Variants in SLC10A7 observed in about 807,000 individuals in gnomAD.
SLC10A7 encodes the protein solute carrier family 10 member 7.
Under a neutral mutation model 43.2 loss-of-function variants are expected in SLC10A7, and 29 were observed. The ratio of observed to expected loss-of-function variants is 0.67; its 90% CI spans 0.50 to 0.92. SLC10A7 has a LOEUF of 0.92. SLC10A7 is among the 40% of genes least tolerant of loss of function. The probability of loss-of-function intolerance (pLI) is 0.00; values close to 1 mark genes in which losing one functional copy is unlikely to be tolerated. For missense variants in SLC10A7, 295 were observed against 403.2 expected (o/e 0.73, Z 2.30); for synonymous variants, 152 against 144.8 (o/e 1.05, Z -0.35).
intron 10 of SLC10A7, among the ~76,000 whole-genome samples, chr4:146,267,699 A>G (rs987079956): frequency 1.3e-5 from 2 of 152,200 alleles, no homozygotes; most frequent in Non-Finnish European, 1.5e-5. Flanking sequence ...GACACATAAG[A>G]GAACATTTTT....
At chr4:146,328,605 C>G (rs1454977610) in intron 5 of SLC10A7, among the ~76,000 whole-genome samples, 2 of 152,194 alleles carry the variant, frequency 1.3e-5, no homozygotes, top group East Asian at 3.9e-4. Flanking sequence ...TAGGTCCACT[C>G]TGCACTCCAC....
chr4:146,521,534 T>C, intron 1 of SLC10A7, 84 bp downstream of exon 1: 7 of 1,163,042 alleles, frequency 6.0e-6, no homozygotes, highest in East Asian at 2.5e-5. Flanking sequence ...GCGCTTGCAA[T>C]GAGGGTTGCC....
At chr4:146,486,227 G>T (rs963798989) in intron 4 of SLC10A7, among the ~76,000 whole-genome samples, 1 of 152,134 alleles carries the variant, frequency 6.6e-6, no homozygotes, top group Non-Finnish European at 1.5e-5. Context: ...TGAGAGCAAT[G>T]ATTAATTTAT....
chr4:146,338,229 C>G (rs1289335042), intron 5 of SLC10A7, among the ~76,000 whole-genome samples: 1 of 151,922 alleles, frequency 6.6e-6, no homozygotes, highest in Non-Finnish European at 1.5e-5. Context: ...TTTTAAAACC[C>G]TTGTGTTTGT....
intron 5 of SLC10A7, among the ~76,000 whole-genome samples, chr4:146,396,699 CA>C (rs1293244139): frequency 2.7e-5 from 4 of 150,456 alleles, no homozygotes; most frequent in Admixed American, 2.0e-4. Context: ...TATTTGCAAG[CA>C]AAAAAATATG....
At chr4:146,350,257 A>G (rs1734955434) in intron 5 of SLC10A7, among the ~76,000 whole-genome samples, 1 of 151,754 alleles carries the variant, frequency 6.6e-6, no homozygotes, top group African/African-American at 2.4e-5. Flanking sequence ...TTCTGAGTCA[A>G]AGAAAGGGGT....
At chr4:146,381,122 C>T (rs866605885) in intron 5 of SLC10A7, among the ~76,000 whole-genome samples, 17 of 152,076 alleles carry the variant, frequency 1.1e-4, no homozygotes, top group Non-Finnish European at 1.8e-4. Flanking sequence ...AAAACTAGTG[C>T]CAGGGCCTCA....
chr4:146,279,178 A>T (rs1240700648), intron 10 of SLC10A7, among the ~76,000 whole-genome samples: 1 of 152,156 alleles, frequency 6.6e-6, no homozygotes, highest in East Asian at 1.9e-4. Flanking sequence ...ACATACTCTG[A>T]GGTTATGTGC....
At chr4:146,264,174 T>C (rs912648042) in intron 10 of SLC10A7, among the ~76,000 whole-genome samples, 4 of 152,226 alleles carry the variant, frequency 2.6e-5, no homozygotes, top group African/African-American at 4.8e-5. Flanking sequence ...GATAAAACAA[T>C]ATGTACAAGA....
intron 2 of SLC10A7, among the ~76,000 whole-genome samples, chr4:146,516,411 GTGTT>G (rs1344737101): frequency 1.3e-5 from 2 of 149,122 alleles, no homozygotes; most frequent in Non-Finnish European, 3.0e-5. Flanking sequence ...GGGTGTGTGT[GTGTT>G]TGTGTGTGTG....
intron 2 of SLC10A7, among the ~76,000 whole-genome samples, chr4:146,516,415 TTG>T (rs1233210607): frequency 1.1e-4 from 16 of 147,612 alleles, no homozygotes; most frequent in South Asian, 6.5e-4. Flanking sequence ...GTGTGTGTGT[TTG>T]TGTGTGTGTG....
At chr4:146,365,647 T>C (rs1180679793) in intron 5 of SLC10A7, among the ~76,000 whole-genome samples, 1 of 152,254 alleles carries the variant, frequency 6.6e-6, no homozygotes, top group African/African-American at 2.4e-5. Context: ...TTAGGCTTTA[T>C]AAGATAGACA....
At chr4:146,352,535 C>A (rs1403577480) in intron 5 of SLC10A7, among the ~76,000 whole-genome samples, 2 of 151,340 alleles carry the variant, frequency 1.3e-5, no homozygotes, top group African/African-American at 4.9e-5. Context: ...ACCAAGAGGA[C>A]CTCATAGACA....
intron 7 of SLC10A7, among the ~76,000 whole-genome samples, chr4:146,300,078 A>T (rs1326047639): frequency 6.6e-6 from 1 of 152,144 alleles, no homozygotes; most frequent in Non-Finnish European, 1.5e-5. Context: ...ATTGCCAAGG[A>T]GGGATTATAA....
intron 5 of SLC10A7, among the ~76,000 whole-genome samples, chr4:146,393,932 C>G (rs1222655019): frequency 6.6e-6 from 1 of 152,124 alleles, no homozygotes; most frequent in African/African-American, 2.4e-5. Context: ...TAGCTCCTGA[C>G]TTCAATTTCA....
intron 10 of SLC10A7, among the ~76,000 whole-genome samples, chr4:146,273,620 CTGT>C (rs987895034): frequency 1.3e-5 from 2 of 151,988 alleles, no homozygotes; most frequent in East Asian, 1.9e-4. Flanking sequence ...ATTATTGTTG[CTGT>C]TGTTGTTATT....
chr4:146,320,918 A>T (rs1732664321), intron 6 of SLC10A7, among the ~76,000 whole-genome samples: 1 of 152,096 alleles, frequency 6.6e-6, no homozygotes, highest in East Asian at 1.9e-4. Flanking sequence ...TCCCCAATTC[A>T]AGACTGTGGC....
Position 146,347,312 on chromosome 4 carries a change from T to A in SLC10A7, c.436-21316A>T, listed in dbSNP as rs551371305. Among the ~76,000 whole-genome samples, 3 of 152,256 alleles carry A rather than the reference T, an allele frequency of 2.0e-5. No homozygotes were observed. The South Asian group carries it at 6.2e-4, about 32-fold the overall frequency. On this transcript the variant is annotated intron_variant, in intron 5 of 11. Coordinates refer to ENST00000335472, the MANE Select transcript of SLC10A7 (RefSeq NM_001029998.6). ...AGAAGCTTCATGAAAAGATAACCAG[T>A]TATATCTACCAGCCTTCTCATCTTC...
At chr4:146,263,775 C>A (rs944050320) in intron 10 of SLC10A7, among the ~76,000 whole-genome samples, 5 of 152,142 alleles carry the variant, frequency 3.3e-5, no homozygotes, top group African/African-American at 4.8e-5. Context: ...AAACATTAAT[C>A]AAAAAATGCC....
Sources: allele counts gnomAD v4.1 joint callset (sites outside exome capture counted in the v4.1 genomes callset), GRCh38; gene constraint gnomAD v4.1.1; transcripts MANE v1.5; gene names NCBI Gene and HGNC (gene_info 2026-07-23, HGNC 2026-07-21).